SLC6A4: variants seen among roughly 807,000 people sequenced by gnomAD.
SLC6A4 encodes sodium-dependent serotonin transporter.
A neutral mutation model predicts 73.4 loss-of-function variants in SLC6A4; 22 were observed. The observed-to-expected ratio is 0.30, with a 90% CI of 0.21 to 0.43. The LOEUF (loss-of-function observed/expected upper bound fraction) is 0.43, where lower values mean the gene tolerates loss of function less well. SLC6A4 is among the 20% of genes least tolerant of loss of function. SLC6A4 has a pLI of 1.00. For synonymous variants in SLC6A4, 270 were observed against 315.5 expected, an observed-to-expected ratio of 0.86 and a Z score of 1.53; for missense variants, 593 against 808.5, an observed-to-expected ratio of 0.73 and a Z score of 3.23.
rs1430730736 is a variant in SLC6A4 at position 30,235,051 on chromosome 17, T to C, written c.-221+562A>G. 6.6e-6 allele frequency among the ~76,000 whole-genome samples: 1 copy of C among 152,114 alleles called. No individual in the cohort carries two copies. The highest frequency in any genetic ancestry group is 1.5e-5 in the Non-Finnish European group (1 of 68,032). ...AGTTTCACATACATTCTGAATGGCCTGTGAGGTGTCTGAGAGCGCCTCAGC... is the reference window on the plus strand; with the variant it reads ...AGTTTCACATACATTCTGAATGGCCCGTGAGGTGTCTGAGAGCGCCTCAGC... On this transcript the variant is annotated intron_variant, in intron 1 of 14. Transcript: ENST00000650711. This position sits in a 1 kb window ranked among gnomAD's most constrained non-coding sequence, Gnocchi z 4.5.
chr17:30,224,610 G>A (rs377556157), intron 1 of SLC6A4, among the ~76,000 whole-genome samples: 36 of 152,240 alleles, frequency 2.4e-4, no homozygotes, highest in Admixed American at 2.1e-3. Flanking sequence ...TCACCCAAGC[G>A]TTCCCTGGCC....
At chr17:30,209,516 A>G in intron 11 of SLC6A4, among the ~76,000 whole-genome samples, 1 of 151,968 alleles carries the variant, frequency 6.6e-6, no homozygotes, top group East Asian at 1.9e-4. Context: ...GCGTGGTGGC[A>G]CACGCCTTTA....
intron 12 of SLC6A4, among the ~76,000 whole-genome samples, chr17:30,208,283 C>A (rs1464074961): frequency 1.3e-5 from 2 of 152,086 alleles, no homozygotes; most frequent in Admixed American, 6.5e-5. Context: ...ATGGTGAACC[C>A]GCCTGACAGA....
intron 7 of SLC6A4, 26 bp from the exon 8 acceptor site, chr17:30,215,740 T>C (rs189970860): frequency 7.8e-5 from 124 of 1,595,960 alleles, no homozygotes; most frequent in African/African-American, 7.4e-4. Context: ...GGTAAGGGCA[T>C]GGGGTGAGGG....
chr17:30,216,992 G>A (rs1438638488), intron 6 of SLC6A4, among the ~76,000 whole-genome samples, 174 bp downstream of exon 6: 1 of 152,146 alleles, frequency 6.6e-6, no homozygotes, highest in African/African-American at 2.4e-5. Flanking sequence ...GAGCCACCAT[G>A]CCCAACCCAC....
At chr17:30,214,963 CTTCT>C (rs1372311948) in intron 8 of SLC6A4, among the ~76,000 whole-genome samples, 14 of 149,082 alleles carry the variant, frequency 9.4e-5, no homozygotes, top group South Asian at 6.4e-4. Flanking sequence ...TCTTTCCTTC[CTTCT>C]TTCTTCTTTC....
At chr17:30,210,125 T>C (rs1374663077) in intron 11 of SLC6A4, among the ~76,000 whole-genome samples, 1 of 150,810 alleles carries the variant, frequency 6.6e-6, no homozygotes, top group African/African-American at 2.4e-5. Flanking sequence ...TTCTTTACCA[T>C]TGCAAATTCT....
chr17:30,214,717 C>G (rs1467243335), intron 8 of SLC6A4, among the ~76,000 whole-genome samples: 1 of 150,188 alleles, frequency 6.7e-6, no homozygotes, highest in Admixed American at 6.6e-5. Flanking sequence ...ACCGCAAACT[C>G]CACCTCCTGG....
chr17:30,217,039 A>T, intron 6 of SLC6A4, 127 bp downstream of exon 6: 1 of 802,840 alleles, frequency 1.2e-6, no homozygotes, highest in Non-Finnish European at 2.0e-6. Flanking sequence ...GAAGAGAGAG[A>T]GGGTGCATCA....
At chr17:30,223,533 C>T (rs1057459637) in intron 1 of SLC6A4, among the ~76,000 whole-genome samples, 2 of 152,190 alleles carry the variant, frequency 1.3e-5, no homozygotes, top group African/African-American at 4.8e-5. Context: ...TAGACATGAA[C>T]ACCAGGCAAT....
chr17:30,209,814 G>T (rs55995843), intron 11 of SLC6A4, among the ~76,000 whole-genome samples: 84 of 152,206 alleles, frequency 5.5e-4, no homozygotes, highest in Middle Eastern at 3.4e-3. Flanking sequence ...AGGGCCTTGG[G>T]ATCTATTTTA....
rs1597630347 is a variant in SLC6A4 at position 30,198,374 on chromosome 17, C to G, written c.*82G>C. 1 of 780,662 alleles carries G rather than the reference C, an allele frequency of 1.3e-6. No homozygotes were observed. The allele number at this position is 780,662 out of a possible 1,614,324, so 48.4% of individuals were successfully genotyped here. A position where few individuals can be genotyped will look rare whatever the true frequency, so the allele number is the denominator to read the frequency against. On this transcript the variant is annotated 3_prime_UTR_variant, in exon 15 of 15. Transcript: ENST00000650711. ...TCAGGCTTAGCTGGAAACTCATTCACTTGGAGGGGAGAAGGCAGGCGTGCC... is the reference window on the plus strand; with the variant it reads ...TCAGGCTTAGCTGGAAACTCATTCAGTTGGAGGGGAGAAGGCAGGCGTGCC...
chr17:30,228,627 C>T (rs1038649283), intron 1 of SLC6A4, among the ~76,000 whole-genome samples: 4 of 152,164 alleles, frequency 2.6e-5, no homozygotes, highest in Non-Finnish European at 4.4e-5. Context: ...TAACAAATAC[C>T]GCAGGTTATT....
rs1471812749 is a variant in SLC6A4 at position 30,221,923 on chromosome 17, T to C, written c.36A>G (p.Leu12=). ...ETTPLNSQKQ[L]SACEDGEDCQ... is the part of the protein sequence containing the mutation. ...AATCTTCTCCATCTTCACACGCTGA[T>C]AGCTGCTTCTGAGAATTCAAGGGCG... The change falls in exon 3 of 15, where the codon CTA becomes CTG. Residue 12 remains leucine, a synonymous_variant. Transcript: ENST00000650711. 3.1e-6 allele frequency: 5 copies of C among 1,614,190 alleles called. No homozygotes were observed. Among genetic ancestry groups the C allele is most frequent in the East Asian group, 2.2e-5 (1 of 44,882 alleles).
chr17:30,215,571 C>T (rs577512682), intron 8 of SLC6A4, 40 bp downstream of exon 8: 47 of 1,512,514 alleles, frequency 3.1e-5, no homozygotes, highest in African/African-American at 5.5e-5. Flanking sequence ...CTTTCACTCA[C>T]GCCACTTTCA....
At chr17:30,209,619 T>C (rs1597636140) in intron 11 of SLC6A4, among the ~76,000 whole-genome samples, 1 of 132,294 alleles carries the variant, frequency 7.6e-6, no homozygotes, top group African/African-American at 2.9e-5. Flanking sequence ...CACTCCAGCC[T>C]GGGGGACAGA....
At chr17:30,229,285 G>T (rs1907017488) in intron 1 of SLC6A4, among the ~76,000 whole-genome samples, 1 of 152,156 alleles carries the variant, frequency 6.6e-6, no homozygotes, top group Non-Finnish European at 1.5e-5. Context: ...TGAGCTGGTG[G>T]TTTGGAACTT....
chr17:30,227,259 G>A (rs1906957783), intron 1 of SLC6A4, among the ~76,000 whole-genome samples: 2 of 152,284 alleles, frequency 1.3e-5, no homozygotes, highest in Admixed American at 1.3e-4. Context: ...GGTCATGGGG[G>A]CACAGGTCGG....
At chr17:30,213,971 T>C (rs1349266843) in intron 8 of SLC6A4, among the ~76,000 whole-genome samples, 1 of 152,110 alleles carries the variant, frequency 6.6e-6, no homozygotes, top group Non-Finnish European at 1.5e-5. Flanking sequence ...GGACTCAAAC[T>C]CTTAGGCTCA....
Sources: gnomAD v4.1 joint callset for allele counts (sites outside exome capture counted in the v4.1 genomes callset) on GRCh38, gnomAD v4.1.1 for gene constraint, Gnocchi (gnomAD v3.1) non-coding constraint, MANE v1.5 for transcripts, NCBI Gene and HGNC (gene_info 2026-07-23, HGNC 2026-07-21) for gene names.